MSRB3: variants seen among roughly 807,000 people sequenced by gnomAD.
MSRB3 encodes methionine sulfoxide reductase B3.
Under a neutral mutation model 21.0 loss-of-function variants are expected in MSRB3, and 13 were observed. The observed-to-expected ratio is 0.62, with a 90% CI of 0.40 to 0.98. The LOEUF is 0.98. MSRB3 is among the 50% of genes least tolerant of loss of function. The pLI, the probability that MSRB3 is intolerant of heterozygous loss-of-function variation, is 0.00. For missense variants in MSRB3, 199 were observed against 230.3 expected, an observed-to-expected ratio of 0.86 and a Z score of 0.88; for synonymous variants, 87 against 88.6, an observed-to-expected ratio of 0.98 and a Z score of 0.10.
intron 1 of MSRB3, among the ~76,000 whole-genome samples, chr12:65,289,194 A>G (rs1872548836): frequency 6.6e-6 from 1 of 152,212 alleles, no homozygotes; most frequent in African/African-American, 2.4e-5. Context: ...ATATGTTAGA[A>G]CATTATATAA....
rs146367939 is a variant in MSRB3 at position 65,336,339 on chromosome 12, A to G, written c.263+7736A>G. On this transcript the variant is annotated intron_variant, in intron 4 of 6. Transcript: ENST00000308259. ...AAGGCATGACTCAAAGTATAACAAT[A>G]TACAAAGATAATTATAACTGCATTT... 6.8e-4 allele frequency among the ~76,000 whole-genome samples: 103 copies of G among 152,374 alleles called. No homozygotes were observed. The East Asian group carries it at 0.019, about 29-fold the overall frequency.
intron 5 of MSRB3, among the ~76,000 whole-genome samples, chr12:65,411,680 A>G (rs575554739): frequency 2.6e-5 from 4 of 151,410 alleles, no homozygotes; most frequent in Non-Finnish European, 5.9e-5. Context: ...AGATAGAATC[A>G]CTGTTGTATT....
intron 1 of MSRB3, among the ~76,000 whole-genome samples, chr12:65,306,277 G>T (rs887771738): frequency 6.6e-6 from 1 of 152,270 alleles, no homozygotes; most frequent in East Asian, 1.9e-4. Flanking sequence ...AATCATTTCA[G>T]TATAAAAATA....
chr12:65,296,802 A>C (rs965024557), intron 1 of MSRB3, among the ~76,000 whole-genome samples: 3 of 152,242 alleles, frequency 2.0e-5, no homozygotes, highest in African/African-American at 7.2e-5. Context: ...AAACAGATTT[A>C]TGAACCTAAA....
At chr12:65,313,978 TAAAC>T (rs1482365116) in intron 2 of MSRB3, among the ~76,000 whole-genome samples, 2 of 152,202 alleles carry the variant, frequency 1.3e-5, no homozygotes, top group Non-Finnish European at 2.9e-5. Context: ...TGTGAAAACT[TAAAC>T]AAAAGTATAT....
chr12:65,280,687 T>A (rs772206508), intron 1 of MSRB3, among the ~76,000 whole-genome samples: 1 of 152,226 alleles, frequency 6.6e-6, no homozygotes, highest in Non-Finnish European at 1.5e-5. Context: ...TTGCTACTTA[T>A]CTAGAATTTT....
chr12:65,330,159 G>C (rs569768609), intron 4 of MSRB3, among the ~76,000 whole-genome samples: 2 of 152,242 alleles, frequency 1.3e-5, no homozygotes, highest in Non-Finnish European at 2.9e-5. Flanking sequence ...TAAAGTATGG[G>C]ATCTAAAGAA....
At chr12:65,437,361 G>C (rs540690347) in intron 5 of MSRB3, among the ~76,000 whole-genome samples, 21 of 151,856 alleles carry the variant, frequency 1.4e-4, no homozygotes, top group African/African-American at 4.8e-4. Context: ...ATCACTGTTC[G>C]TGACAGGAAT....
chr12:65,420,875 G>GGGCA (rs1592621151), intron 5 of MSRB3, among the ~76,000 whole-genome samples: 1 of 152,266 alleles, frequency 6.6e-6, no homozygotes, highest in East Asian at 1.9e-4. Context: ...TACCAATGAT[G>GGGCA]GGCATTTAGG....
rs140976705 is a variant in MSRB3, at chr12:65,444,232, T to C, written c.293-9496T>C. Reference sequence around the variant, plus strand: ...TGACCTAGAATTAAAGCTCCAGCCATATTGATTGAGCACCTACTTTGTGTC... The same window carrying C: ...TGACCTAGAATTAAAGCTCCAGCCACATTGATTGAGCACCTACTTTGTGTC... On this transcript the variant is annotated intron_variant, in intron 5 of 6. Coordinates refer to ENST00000308259, the MANE Select transcript of MSRB3 (RefSeq NM_001031679.3). 2.1e-3 allele frequency among the ~76,000 whole-genome samples: 316 copies of C among 152,292 alleles called. 2 individuals carry two copies. Among genetic ancestry groups the C allele is most frequent in the African/African-American group, 7.0e-3 (293 of 41,562 alleles).
intron 5 of MSRB3, among the ~76,000 whole-genome samples, chr12:65,431,000 A>G (rs892275891): frequency 1.3e-5 from 2 of 152,106 alleles, no homozygotes; most frequent in Non-Finnish European, 2.9e-5. Flanking sequence ...TGCCTACATA[A>G]CACATAAATT....
rs144868814 is a variant in MSRB3 at position 65,441,336 on chromosome 12, A to T, written c.293-12392A>T. Among the ~76,000 whole-genome samples, 293 of 152,042 alleles carry T rather than the reference A, an allele frequency of 1.9e-3. 2 individuals are homozygous for T. Among genetic ancestry groups the T allele is most frequent in the African/African-American group, 6.3e-3 (260 of 41,534 alleles). On this transcript the variant is annotated intron_variant, in intron 5 of 6. Transcript: ENST00000308259. ...AGGAGTGGTAAGTAGGTTACCTTCA[A>T]TGAGGTTTCCTGGAATGTAGGCAGT...
At chr12:65,457,512 T>C (rs1883144459) in intron 6 of MSRB3, among the ~76,000 whole-genome samples, 1 of 152,114 alleles carries the variant, frequency 6.6e-6, no homozygotes, top group Non-Finnish European at 1.5e-5. Flanking sequence ...AGAATGATGG[T>C]TTCCAGCTTC....
intron 5 of MSRB3, among the ~76,000 whole-genome samples, chr12:65,390,083 A>T (rs534346100): frequency 3.2e-4 from 49 of 152,294 alleles, no homozygotes; most frequent in African/African-American, 1.1e-3. Context: ...TCCTTTCTAT[A>T]TGCTTGGAGG....
chr12:65,462,531 A>C (rs1454979237), intron 6 of MSRB3, among the ~76,000 whole-genome samples: 1 of 152,222 alleles, frequency 6.6e-6, no homozygotes, highest in Admixed American at 6.5e-5. Flanking sequence ...AGCCAGCATG[A>C]CACTACTTGT....
At chr12:65,454,006 C>T (rs888318673) in intron 6 of MSRB3, 181 bp downstream of exon 6, 20 of 693,710 alleles carry the variant, frequency 2.9e-5, no homozygotes, top group South Asian at 4.6e-5. Flanking sequence ...ATGTTAAGGT[C>T]GGCATGATAG....
chr12:65,406,578 G>T (rs1565877492), intron 5 of MSRB3, among the ~76,000 whole-genome samples: 1 of 152,096 alleles, frequency 6.6e-6, no homozygotes, highest in Non-Finnish European at 1.5e-5. Context: ...CACAGAAATA[G>T]AAAAAATAAC....
chr12:65,313,183 T>C (rs2136429623), intron 2 of MSRB3, among the ~76,000 whole-genome samples: 1 of 152,228 alleles, frequency 6.6e-6, no homozygotes, highest in South Asian at 2.1e-4. Context: ...CTCTGGCCCT[T>C]TTGATCACTT....
In MSRB3 at chr12:65,290,116, A is replaced by G. The variant is rs1340090352; in HGVS notation, c.-52+11251A>G. Among the ~76,000 whole-genome samples, 10 of 144,850 alleles carry G rather than the reference A, an allele frequency of 6.9e-5. No individual in the cohort carries two copies. In the East Asian group the frequency reaches 1.8e-3, roughly 26 times the overall value. Reference sequence around the variant, plus strand: ...TTTTCTCCTATTACTTTCAAGCTTCATTATCTATATATTTAATAATAATAG... The same window carrying G: ...TTTTCTCCTATTACTTTCAAGCTTCGTTATCTATATATTTAATAATAATAG... On this transcript the variant is annotated intron_variant, in intron 1 of 6. Transcript: ENST00000308259.
Sources: gnomAD v4.1 joint callset for allele counts (sites outside exome capture counted in the v4.1 genomes callset) on GRCh38, gnomAD v4.1.1 for gene constraint, MANE v1.5 for transcripts, NCBI Gene and HGNC (gene_info 2026-07-23, HGNC 2026-07-21) for gene names.